The following AFAP1L1 variants were observed in gnomAD, a reference collection of about 807,000 sequenced individuals.
AFAP1L1 encodes actin filament-associated protein 1-like 1.
AFAP1L1 carries 77 observed loss-of-function variants against 99.8 expected under a neutral mutation model. The ratio of observed to expected loss-of-function variants is 0.77; its 90% confidence interval spans 0.64 to 0.93. AFAP1L1 has a LOEUF of 0.93. Among genes scored for constraint, AFAP1L1 ranks in the 40% least tolerant of loss-of-function variants. The pLI, the probability that AFAP1L1 is intolerant of heterozygous loss-of-function variation, is 0.00. For missense variants in AFAP1L1, 893 were observed against 996.8 expected, an observed-to-expected ratio of 0.90 and a Z score of 1.40; for synonymous variants, 373 against 395.3, an observed-to-expected ratio of 0.94 and a Z score of 0.67.
chr5:149,280,603 T>G (rs17709557), intron 1 of AFAP1L1, among the ~76,000 whole-genome samples: 1 of 152,156 alleles, frequency 6.6e-6, no homozygotes, highest in African/African-American at 2.4e-5. Context: ...GTTCTGTCTT[T>G]CACACTTTTC....
At chr5:149,274,078 G>C (rs1755229989) in intron 1 of AFAP1L1, among the ~76,000 whole-genome samples, 1 of 152,120 alleles carries the variant, frequency 6.6e-6, no homozygotes, top group Non-Finnish European at 1.5e-5. Flanking sequence ...TCTCCCTGCA[G>C]GCTTTTCTAG....
chr5:149,301,037 C>T, intron 3 of AFAP1L1, 96 bp from the exon 4 acceptor site: 2 of 1,013,470 alleles, frequency 2.0e-6, no homozygotes, highest in Admixed American at 1.9e-5. Flanking sequence ...AGCCCGACCT[C>T]ACACTCAGGC....
intron 15 of AFAP1L1, among the ~76,000 whole-genome samples, chr5:149,324,482 C>T (rs915960383): frequency 2.6e-5 from 4 of 152,362 alleles, no homozygotes; most frequent in African/African-American, 9.6e-5. Context: ...GGGATGTAAA[C>T]ATCTAGTCTA....
intron 1 of AFAP1L1, among the ~76,000 whole-genome samples, chr5:149,296,909 G>C (rs1001804191): frequency 5.3e-5 from 8 of 152,136 alleles, no homozygotes; most frequent in African/African-American, 1.7e-4. Flanking sequence ...TGGCAACAAG[G>C]AGAGATGCCA....
At chr5:149,328,662 A>G (rs890836449) in intron 15 of AFAP1L1, among the ~76,000 whole-genome samples, 12 of 152,104 alleles carry the variant, frequency 7.9e-5, no homozygotes, top group African/African-American at 2.7e-4. Context: ...TACAAAAATT[A>G]GCCAGGCATG....
intron 18 of AFAP1L1, among the ~76,000 whole-genome samples, chr5:149,339,471 C>T (rs1245960258): frequency 6.6e-6 from 1 of 152,168 alleles, no homozygotes; most frequent in South Asian, 2.1e-4. Flanking sequence ...GGATTACAGG[C>T]ATGAGCCACG....
At chr5:149,302,588 T>G in intron 5 of AFAP1L1, 62 bp downstream of exon 5, 4 of 1,375,908 alleles carry the variant, frequency 2.9e-6, no homozygotes, top group East Asian at 2.5e-5. Flanking sequence ...CAAATTTAAG[T>G]TCCTCTGTGT....
chr5:149,317,584 C>T, intron 11 of AFAP1L1, 145 bp from the exon 12 acceptor site: 1 of 742,926 alleles, frequency 1.3e-6, no homozygotes, highest in Non-Finnish European at 2.2e-6. Flanking sequence ...GAGAAATGCA[C>T]ACCCAAGGTC....
intron 1 of AFAP1L1, among the ~76,000 whole-genome samples, chr5:149,287,628 G>A (rs944060155): frequency 6.6e-6 from 1 of 152,058 alleles, no homozygotes; most frequent in East Asian, 1.9e-4. Flanking sequence ...CTGTCGCCCA[G>A]GCTGGAGTGC....
intron 5 of AFAP1L1, among the ~76,000 whole-genome samples, chr5:149,305,224 A>G (rs568630662): frequency 1.1e-4 from 17 of 152,180 alleles, no homozygotes; most frequent in Admixed American, 3.3e-4. Context: ...CACTTTCCAG[A>G]TCAAGAATCT....
In AFAP1L1 at chr5:149,310,130, C is replaced by A. The variant is rs771042750; in HGVS notation, c.922C>A (p.Leu308Met). The change falls in exon 8 of 19, where the codon CTG (leucine) becomes ATG (methionine). Residue 308 changes from leucine to methionine, a missense_variant. By Grantham distance (15) the Leu-to-Met change is conservative (BLOSUM62 2). Coordinates refer to ENST00000296721, the MANE Select transcript of AFAP1L1 (RefSeq NM_152406.4). Reference sequence around the variant, plus strand: ...GAGCCGAGAGCAGGCCGAGGAGTGGCTGAAGGTGCGTGGCCTGCACCTGAC... The same window carrying A: ...GAGCCGAGAGCAGGCCGAGGAGTGGATGAAGGTGCGTGGCCTGCACCTGAC... ...LQSREQAEEW[L>M]KVIREVSKPV... 1 of 1,596,740 alleles carries A rather than the reference C, an allele frequency of 6.3e-7. No homozygotes were observed. Among genetic ancestry groups the A allele is most frequent in the Non-Finnish European group, 8.5e-7 (1 of 1,170,286 alleles).
intron 1 of AFAP1L1, among the ~76,000 whole-genome samples, chr5:149,277,612 G>A (rs953960997): frequency 1.3e-5 from 2 of 152,116 alleles, no homozygotes; most frequent in African/African-American, 2.4e-5. Context: ...ATCCATATTC[G>A]AATCATCTTT....
chr5:149,316,644 G>A (rs950923459), intron 11 of AFAP1L1, among the ~76,000 whole-genome samples: 4 of 152,152 alleles, frequency 2.6e-5, no homozygotes, highest in African/African-American at 4.8e-5. Context: ...AGCATAGAAC[G>A]TGCCAGGTTT....
At chr5:149,337,607 G>A (rs1017926996) in intron 18 of AFAP1L1, among the ~76,000 whole-genome samples, 1 of 152,152 alleles carries the variant, frequency 6.6e-6, no homozygotes, top group South Asian at 2.1e-4. Context: ...CAGCGGAGAA[G>A]ACTGAAGTTT....
At chr5:149,299,671 A>G (rs1368728092) in intron 2 of AFAP1L1, 34 bp downstream of exon 2, 2 of 1,613,284 alleles carry the variant, frequency 1.2e-6, no homozygotes, top group Non-Finnish European at 8.5e-7. Flanking sequence ...GAGGAGCTCC[A>G]CTTATGTAGG....
At position 149,307,818 on chromosome 5, in the gene AFAP1L1, T is replaced by TTCTCTCCCTCTCTCTCTCTCTCTCTCTC. The variant is rs1756473971; in HGVS notation, c.747+211_747+212insCCTCTCTCTCTCTCTCTCTCTCTCTCTC. ...ACACACACACACCCTGTGCCTCTCT[T>TTCTCTCCCTCTCTCTCTCTCTCTCTCTC]TCTCTCTCTCTCTCTCTCTCTCTCT... On this transcript the variant is annotated intron_variant, in intron 7 of 18. Coordinates refer to ENST00000296721, the MANE Select transcript of AFAP1L1 (RefSeq NM_152406.4). Among the ~76,000 whole-genome samples, 4 of 100,566 alleles carry TTCTCTCCCTCTCTCTCTCTCTCTCTCTC rather than the reference T, an allele frequency of 4.0e-5. No individual in the cohort carries two copies. In the South Asian group the frequency reaches 1.7e-3, roughly 42 times the overall value. 66.0% of individuals were successfully genotyped at this position (100,566 alleles called of 152,430 possible). A position where few individuals can be genotyped will look rare whatever the true frequency, so the allele number is the denominator to read the frequency against.
chr5:149,316,820 G>A (rs10079672), intron 11 of AFAP1L1, among the ~76,000 whole-genome samples: 28,763 of 152,084 alleles, frequency 0.19, 2,968 homozygotes, highest in African/African-American at 0.27. Flanking sequence ...TTTAAAAATC[G>A]TATATTTTGG....
chr5:149,339,553 A>T (rs538377227), intron 18 of AFAP1L1, among the ~76,000 whole-genome samples: 1 of 152,124 alleles, frequency 6.6e-6, no homozygotes, highest in Non-Finnish European at 1.5e-5. Context: ...GTGTCATGAG[A>T]TAGTCGTCTT....
chr5:149,272,289 G>T (rs1035537544), intron 1 of AFAP1L1, among the ~76,000 whole-genome samples: 2 of 152,218 alleles, frequency 1.3e-5, no homozygotes, highest in African/African-American at 4.8e-5. Flanking sequence ...AGGACAGCGA[G>T]CTCCTCCCAC....
Sources: allele counts gnomAD v4.1 joint callset (sites outside exome capture counted in the v4.1 genomes callset), GRCh38; gene constraint gnomAD v4.1.1; transcripts MANE v1.5; gene names NCBI Gene and HGNC (gene_info 2026-07-23, HGNC 2026-07-21).